Variants in ASIC2 observed in about 807,000 individuals in gnomAD.
The protein encoded by ASIC2 is acid sensing ion channel subunit 2.
Under a neutral mutation model 57.3 loss-of-function variants are expected in ASIC2, and 25 were observed. That is an observed-to-expected ratio of 0.44 (90% CI 0.32 to 0.61). ASIC2 has a LOEUF of 0.61. Among genes scored for constraint, ASIC2 ranks in the 20% least tolerant of loss-of-function variants. The pLI is 0.06. For synonymous variants in ASIC2, 319 were observed against 307.5 expected (o/e 1.04, Z -0.39); for missense variants, 641 against 738.1 (o/e 0.87, Z 1.52).
chr17:33,701,144 T>C (rs1001967721), intron 1 of ASIC2, among the ~76,000 whole-genome samples: 1 of 152,082 alleles, frequency 6.6e-6, no homozygotes, highest in African/African-American at 2.4e-5. Flanking sequence ...TTGCAACCTG[T>C]CAGGGATAGC....
intron 1 of ASIC2, among the ~76,000 whole-genome samples, chr17:33,432,470 T>C (rs547433416): frequency 6.6e-6 from 1 of 152,236 alleles, no homozygotes; most frequent in East Asian, 1.9e-4. Flanking sequence ...TCGAAGCTGC[T>C]GTGAGCCATG....
chr17:33,347,477 C>T (rs1324934983), intron 1 of ASIC2, among the ~76,000 whole-genome samples: 1 of 152,128 alleles, frequency 6.6e-6, no homozygotes, highest in Non-Finnish European at 1.5e-5. Context: ...TTTGAGTCTT[C>T]TGGCCATGAA....
intron 1 of ASIC2, among the ~76,000 whole-genome samples, chr17:33,863,349 C>A (rs144722879): frequency 8.5e-5 from 13 of 152,202 alleles, no homozygotes; most frequent in African/African-American, 3.1e-4. Context: ...CCATATGATG[C>A]TTTTAGCCCT....
At chr17:34,046,495 T>C (rs1908342914) in intron 1 of ASIC2, among the ~76,000 whole-genome samples, 1 of 152,222 alleles carries the variant, frequency 6.6e-6, no homozygotes, top group Non-Finnish European at 1.5e-5. Context: ...TAATCAATGC[T>C]GGCTGGCCAA....
chr17:33,858,994 C>T (rs779588058), intron 1 of ASIC2, among the ~76,000 whole-genome samples: 1 of 152,200 alleles, frequency 6.6e-6, no homozygotes, highest in Non-Finnish European at 1.5e-5. Context: ...GGAACAGAAA[C>T]TGCCATTGAA....
chr17:33,755,968 G>A (rs1375115467), intron 1 of ASIC2, among the ~76,000 whole-genome samples: 1 of 152,226 alleles, frequency 6.6e-6, no homozygotes, highest in Non-Finnish European at 1.5e-5. Context: ...AAGGGAGTGG[G>A]CATCATGACC....
intron 1 of ASIC2, among the ~76,000 whole-genome samples, chr17:33,410,447 TA>T (rs1910618848): frequency 6.6e-6 from 1 of 152,192 alleles, no homozygotes; most frequent in Non-Finnish European, 1.5e-5. Context: ...AAAAAATTAA[TA>T]ATCCAGCTTA....
chr17:33,754,156 T>C (rs946696441), intron 1 of ASIC2, among the ~76,000 whole-genome samples: 2 of 152,140 alleles, frequency 1.3e-5, no homozygotes, highest in East Asian at 1.9e-4. Context: ...GGGTAGGTTG[T>C]CTGAATCTCT....
At chr17:33,545,634 C>A (rs577369339) in intron 1 of ASIC2, among the ~76,000 whole-genome samples, 1 of 152,122 alleles carries the variant, frequency 6.6e-6, no homozygotes, top group Non-Finnish European at 1.5e-5. Flanking sequence ...AATGCCCATT[C>A]TCTTTACCAT....
intron 1 of ASIC2, among the ~76,000 whole-genome samples, chr17:33,113,677 C>T (rs1345025039): frequency 6.6e-6 from 1 of 152,224 alleles, no homozygotes; most frequent in Admixed American, 6.5e-5. Context: ...GGGCTTCTAC[C>T]CTGTGCCAGG....
Position 33,568,185 on chromosome 17 carries a change from C to G in ASIC2, c.556-456118G>C, listed in dbSNP as rs575977669. Among the ~76,000 whole-genome samples, 3 of 152,262 alleles carry G rather than the reference C, an allele frequency of 2.0e-5. No individual in the cohort carries two copies. In the East Asian group the frequency reaches 5.8e-4, roughly 29 times the overall value. ...GCCAGGGGAGCCCTCCAGTTAGAGA[C>G]TTGTGCTGGCAGGTGTTCCATTAGC... On this transcript the variant is annotated intron_variant, in intron 1 of 9. Transcript: ENST00000359872.
At chr17:33,035,742 C>T (rs1344028174) in intron 3 of ASIC2, among the ~76,000 whole-genome samples, 1 of 152,212 alleles carries the variant, frequency 6.6e-6, no homozygotes, top group Non-Finnish European at 1.5e-5. Context: ...CTGCTCAGCT[C>T]TTTCAACTGT....
intron 1 of ASIC2, among the ~76,000 whole-genome samples, chr17:33,139,998 A>C (rs1243216051): frequency 6.6e-6 from 1 of 152,194 alleles, no homozygotes; most frequent in Non-Finnish European, 1.5e-5. Context: ...GCTATACAGA[A>C]GGGATTATTT....
intron 1 of ASIC2, among the ~76,000 whole-genome samples, chr17:33,545,450 G>A (rs1043853985): frequency 1.3e-5 from 2 of 152,216 alleles, no homozygotes; most frequent in Admixed American, 1.3e-4. Flanking sequence ...CTCATTAAAT[G>A]CAGCATATTT....
chr17:34,016,349 G>A lies in ASIC2; in HGVS notation c.555+139629C>T, dbSNP rs180685173. Among the ~76,000 whole-genome samples the A allele has an allele frequency of 8.8e-3, 1,325 of 150,776 alleles. 15 individuals carry two copies. Among genetic ancestry groups the A allele is most frequent in the Admixed American group, 0.023 (355 of 15,154 alleles). ...TGAGGCAGGAGAACGGCGTGAACCC[G>A]GGAGGCGGAGCTTGCAGTGAGCTGA... On this transcript the variant is annotated intron_variant, in intron 1 of 9. Transcript: ENST00000359872.
In ASIC2 at chr17:33,656,175, C is replaced by CA. The variant is rs911848162; in HGVS notation, c.555+499802dup. 1.9e-4 allele frequency among the ~76,000 whole-genome samples: 29 copies of CA among 150,482 alleles called. No individual in the cohort carries two copies. In the East Asian group the frequency reaches 4.5e-3, roughly 23 times the overall value. ...TCATAATCATATTATGGGATTATAGCAAAAAAACAAACAAACCAGAAATGA... is the reference window on the plus strand; with the variant it reads ...TCATAATCATATTATGGGATTATAGCAAAAAAAACAAACAAACCAGAAATGA... On this transcript the variant is annotated intron_variant, in intron 1 of 9. Transcript: ENST00000359872.
chr17:33,208,661 T>A (rs1311003106), intron 1 of ASIC2, among the ~76,000 whole-genome samples: 1 of 151,880 alleles, frequency 6.6e-6, no homozygotes, highest in African/African-American at 2.4e-5. Context: ...TTGCAGAATA[T>A]TTGCTTATTA....
chr17:33,393,849 G>T (rs1909984648), intron 1 of ASIC2, among the ~76,000 whole-genome samples: 1 of 152,152 alleles, frequency 6.6e-6, no homozygotes, highest in Non-Finnish European at 1.5e-5. Flanking sequence ...GCCATATGTT[G>T]CTGACAAGGA....
At chr17:33,224,674 A>T (rs1907812467) in intron 1 of ASIC2, among the ~76,000 whole-genome samples, 1 of 152,168 alleles carries the variant, frequency 6.6e-6, no homozygotes, top group African/African-American at 2.4e-5. Context: ...GCAAGGAGAA[A>T]ATGGACGCAC....
Sources: allele counts gnomAD v4.1 joint callset (sites outside exome capture counted in the v4.1 genomes callset), GRCh38; gene constraint gnomAD v4.1.1; transcripts MANE v1.5; gene names NCBI Gene and HGNC (gene_info 2026-07-23, HGNC 2026-07-21).